TANGO2: variants seen among roughly 807,000 people sequenced by gnomAD.
TANGO2 encodes transport and golgi organization 2 homolog, also known as transport and Golgi organization protein 2 homolog.
Under a neutral mutation model 39.1 loss-of-function variants are expected in TANGO2, and 26 were observed. That is an observed-to-expected ratio of 0.67 (90% CI 0.49 to 0.92). The LOEUF is 0.92. Among genes scored for constraint, TANGO2 ranks in the 40% least tolerant of loss-of-function variants. The pLI, the probability that TANGO2 is intolerant of heterozygous loss-of-function variation, is 0.00. For synonymous variants in TANGO2, 131 were observed against 144.5 expected, an observed-to-expected ratio of 0.91 and a Z score of 0.67; for missense variants, 326 against 360.1, an observed-to-expected ratio of 0.91 and a Z score of 0.77.
At chr22:20,053,941 G>A (rs1008785530) in intron 5 of TANGO2, 24 of 353,692 alleles carry the variant, frequency 6.8e-5, no homozygotes, top group Non-Finnish European at 1.0e-4. Flanking sequence ...AGATGAGGCC[G>A]CAGGAACTGC....
At chr22:20,051,777 G>A (rs1473419757) in intron 3 of TANGO2, among the ~76,000 whole-genome samples, 2 of 152,178 alleles carry the variant, frequency 1.3e-5, no homozygotes. Context: ...TTGAGCCTGG[G>A]AGGTGGAGGT....
intron 1 of TANGO2, among the ~76,000 whole-genome samples, chr22:20,035,253 TCCC>T (rs1309944707): frequency 1.3e-5 from 2 of 152,240 alleles, no homozygotes; most frequent in African/African-American, 4.8e-5. Flanking sequence ...GAGCAGATGG[TCCC>T]CAATGGCCAT....
chr22:20,018,310 T>C (rs559691342), upstream of TANGO2, among the ~76,000 whole-genome samples: 1 of 152,326 alleles, frequency 6.6e-6, no homozygotes, highest in East Asian at 1.9e-4. Context: ...GTCCCTAGAA[T>C]AGGGGCCCTC....
chr22:20,022,241 C>T (rs951314777), intron 1 of TANGO2, among the ~76,000 whole-genome samples: 1 of 152,234 alleles, frequency 6.6e-6, no homozygotes, highest in Non-Finnish European at 1.5e-5. Context: ...AGAGCCAGGG[C>T]CTGCTCCCAG....
At chr22:20,060,682 G>A (rs1263648817) in intron 6 of TANGO2, among the ~76,000 whole-genome samples, 1 of 152,188 alleles carries the variant, frequency 6.6e-6, no homozygotes, top group Non-Finnish European at 1.5e-5. Flanking sequence ...GACACCTGGG[G>A]CTGGCGGCTT....
chr22:20,025,962 A>G lies in TANGO2; in HGVS notation c.-40+4716A>G, dbSNP rs529318000. Among the ~76,000 whole-genome samples the G allele has an allele frequency of 3.9e-5, 6 of 152,350 alleles. No individual in the cohort carries two copies. The East Asian group carries it at 9.7e-4, about 25-fold the overall frequency. The stretch of plus-strand genomic sequence containing the variant: ...ACACATTTAAGGCCTCAAGGGGCCC[A>G]TGTGACTAGAAGTCCAGGATGTGGC... On this transcript the variant is annotated intron_variant, in intron 1 of 8. Coordinates refer to ENST00000327374, the MANE Select transcript of TANGO2 (RefSeq NM_152906.7).
intron 4 of TANGO2, among the ~76,000 whole-genome samples, chr22:20,052,982 C>T (rs986686567): frequency 6.6e-5 from 10 of 152,088 alleles, no homozygotes; most frequent in Non-Finnish European, 1.2e-4. Flanking sequence ...GGCCCTCTGG[C>T]GTCGCAGCCA....
chr22:20,030,692 T>C (rs2041687960), intron 1 of TANGO2, among the ~76,000 whole-genome samples: 1 of 151,926 alleles, frequency 6.6e-6, no homozygotes, highest in Admixed American at 6.6e-5. Context: ...CTCAAACTCC[T>C]GACCTCAGGT....
intron 1 of TANGO2, among the ~76,000 whole-genome samples, chr22:20,026,788 C>T (rs1170419854): frequency 6.6e-6 from 1 of 152,232 alleles, no homozygotes; most frequent in East Asian, 1.9e-4. Flanking sequence ...GAACATTTCC[C>T]ACACTGCATA....
rs141211825 is a variant in TANGO2, at chr22:20,045,581, G to A, written c.145+2138G>A. Among the ~76,000 whole-genome samples, 22 of 133,322 alleles carry A rather than the reference G, an allele frequency of 1.7e-4. 1 individual carries two copies. In the East Asian group the frequency reaches 4.3e-3, roughly 26 times the overall value. 87.5% of individuals were successfully genotyped at this position (133,322 alleles called of 152,430 possible). On this transcript the variant is annotated intron_variant, in intron 3 of 8. Coordinates refer to ENST00000327374, the MANE Select transcript of TANGO2 (RefSeq NM_152906.7). ...TGCAATGGTGCCATCTCAGCTCACC[G>A]CAACCTCCATCTCCCGGGTTCAAGC...
rs1443924382 is a variant in TANGO2, at chr22:20,052,449, C to T, written c.146-16C>T. 2 of 1,589,892 alleles carry T rather than the reference C, an allele frequency of 1.3e-6. No individual in the cohort carries two copies. The highest frequency in any genetic ancestry group is 1.1e-5 in the South Asian group (1 of 87,088). ...ATGGGTGGCATCAATGGTGGTAACA[C>T]TGTCATCTGCCACAGGGCTGGACAT... On this transcript the variant is annotated splice_polypyrimidine_tract_variant and intron_variant, in intron 3 of 8. Coordinates refer to ENST00000327374, the MANE Select transcript of TANGO2 (RefSeq NM_152906.7).
chr22:20,055,644 T>C (rs2047191114), intron 5 of TANGO2: 1 of 475,450 alleles, frequency 2.1e-6, no homozygotes, highest in African/African-American at 2.0e-5. Context: ...GCAGCCTCTG[T>C]GTGTCCATGC....
chr22:20,038,522 A>G (rs955832598), intron 2 of TANGO2, among the ~76,000 whole-genome samples: 6 of 152,142 alleles, frequency 3.9e-5, no homozygotes, highest in Non-Finnish European at 8.8e-5. Context: ...AGGAGGGTTG[A>G]CATGGGCCCC....
At chr22:20,060,064 T>C (rs58308907) in intron 6 of TANGO2, among the ~76,000 whole-genome samples, 8,041 of 151,800 alleles carry the variant, frequency 0.053, 311 homozygotes, top group East Asian at 0.09. Context: ...TAAGAGATCC[T>C]CCCAGCCGGG....
chr22:20,017,093 A>C (rs1945238393), upstream of TANGO2: 1 of 151,936 alleles, frequency 6.6e-6, no homozygotes. Flanking sequence ...ACTTACGAGA[A>C]CATCCCCCGA....
At chr22:20,030,574 T>C (rs2146898100) in intron 1 of TANGO2, among the ~76,000 whole-genome samples, 1 of 152,260 alleles carries the variant, frequency 6.6e-6, no homozygotes, top group South Asian at 2.1e-4. Context: ...CTCGAACTCT[T>C]GACCTCGTGA....
At chr22:20,041,952 C>T (rs906617025) in intron 2 of TANGO2, among the ~76,000 whole-genome samples, 1 of 151,950 alleles carries the variant, frequency 6.6e-6, no homozygotes, top group Admixed American at 6.6e-5. Context: ...GCTGCCTCTC[C>T]GGCACAAGTG....
chr22:20,028,074 C>T (rs1317090806), intron 1 of TANGO2, among the ~76,000 whole-genome samples: 1 of 152,186 alleles, frequency 6.6e-6, no homozygotes. Flanking sequence ...GCAGGGATTA[C>T]AGCCATGAGC....
At chr22:20,029,334 A>G (rs2041399820) in intron 1 of TANGO2, among the ~76,000 whole-genome samples, 1 of 152,186 alleles carries the variant, frequency 6.6e-6, no homozygotes, top group African/African-American at 2.4e-5. Flanking sequence ...TCTCGAAAGC[A>G]TCAGCAGATG....
Sources: allele counts gnomAD v4.1 joint callset (sites outside exome capture counted in the v4.1 genomes callset), GRCh38; gene constraint gnomAD v4.1.1; transcripts MANE v1.5; gene names NCBI Gene and HGNC (gene_info 2026-07-23, HGNC 2026-07-21).